PDS5B: variants seen among roughly 807,000 people sequenced by gnomAD.
The protein encoded by PDS5B is PDS5 cohesin associated factor B.
PDS5B carries 51 observed loss-of-function variants against 184.1 expected under a neutral mutation model. That is an observed-to-expected ratio of 0.28 (90% CI 0.22 to 0.35). The LOEUF is 0.35. Ranked by LOEUF, PDS5B falls within the 10% of genes least tolerant of loss-of-function variation. The probability of loss-of-function intolerance (pLI) is 1.00; values close to 1 mark genes in which losing one functional copy is unlikely to be tolerated. For missense variants in PDS5B, 1,180 were observed against 1,723.3 expected (o/e 0.68, Z 5.58); for synonymous variants, 566 against 569.2 (o/e 0.99, Z 0.08).
intron 10 of PDS5B, among the ~76,000 whole-genome samples, chr13:32,680,358 G>T (rs1045956233): frequency 6.6e-6 from 1 of 152,098 alleles, no homozygotes; most frequent in African/African-American, 2.4e-5. Context: ...TTCACTTTTG[G>T]GTGATCAGAG....
At chr13:32,611,782 T>G (rs1280838756) in intron 1 of PDS5B, among the ~76,000 whole-genome samples, 1 of 152,066 alleles carries the variant, frequency 6.6e-6, no homozygotes, top group Non-Finnish European at 1.5e-5. Flanking sequence ...GTGCTGGGAT[T>G]ACAAGCATGA....
chr13:32,635,283 C>G (rs1195484984), intron 1 of PDS5B, among the ~76,000 whole-genome samples: 1 of 134,994 alleles, frequency 7.4e-6, no homozygotes, highest in African/African-American at 2.7e-5. Context: ...AGTGACCCTC[C>G]TGCCTTGGCC....
intron 17 of PDS5B, among the ~76,000 whole-genome samples, chr13:32,702,221 G>A (rs1951882213): frequency 1.3e-5 from 2 of 152,062 alleles, no homozygotes; most frequent in African/African-American, 2.4e-5. Flanking sequence ...GGCATTGGGC[G>A]TAGCTTTTGG....
chr13:32,753,706 G>A lies in PDS5B; in HGVS notation c.2941+170G>A, dbSNP rs938907903. Among the ~76,000 whole-genome samples, 6 of 152,220 alleles carry A rather than the reference G, an allele frequency of 3.9e-5. No homozygotes were observed. The South Asian group carries it at 8.3e-4, about 21-fold the overall frequency. ...TTAATATGAAGGTCATTTAAAAAATGCATGGTACTTAAATATCAACCTATA... is the reference window on the plus strand; with the variant it reads ...TTAATATGAAGGTCATTTAAAAAATACATGGTACTTAAATATCAACCTATA... On this transcript the variant is annotated intron_variant, in intron 25 of 34. Transcript: ENST00000315596.
intron 26 of PDS5B, among the ~76,000 whole-genome samples, chr13:32,757,204 CCA>C (rs761074616): frequency 1.3e-5 from 2 of 151,912 alleles, no homozygotes; most frequent in East Asian, 1.9e-4. Flanking sequence ...AAACTTCTAG[CCA>C]CTTCTTTCTG....
intron 7 of PDS5B, among the ~76,000 whole-genome samples, chr13:32,672,281 G>A (rs1188668099): frequency 6.9e-6 from 1 of 145,360 alleles, no homozygotes; most frequent in Non-Finnish European, 1.5e-5. Context: ...TCTTCCATAT[G>A]TACTAAGGTG....
chr13:32,592,781 C>T (rs773799491), intron 1 of PDS5B, among the ~76,000 whole-genome samples: 1 of 152,046 alleles, frequency 6.6e-6, no homozygotes, highest in African/African-American at 2.4e-5. Flanking sequence ...AAGTGGGGTC[C>T]CTTTCTAAGG....
At chr13:32,773,149 A>T in intron 33 of PDS5B, 40 bp from the exon 34 acceptor site, 1 of 1,542,812 alleles carries the variant, frequency 6.5e-7, no homozygotes, top group Non-Finnish European at 8.7e-7. Context: ...CTACTGAAAG[A>T]TTGGAACGTT....
intron 27 of PDS5B, 148 bp from the exon 28 acceptor site, chr13:32,758,386 C>CA (rs1325101140): frequency 1.1e-6 from 1 of 926,022 alleles, no homozygotes; most frequent in African/African-American, 1.7e-5. Flanking sequence ...ATGAGCAAAA[C>CA]CAGTAGTGTA....
chr13:32,770,830 A>ATGTT, intron 33 of PDS5B, 69 bp downstream of exon 33: 1 of 1,119,044 alleles, frequency 8.9e-7, no homozygotes, highest in Non-Finnish European at 1.3e-6. Flanking sequence ...ATTTGTAAAC[A>ATGTT]TACATATTGC....
At chr13:32,647,699 AT>A (rs752847772) in intron 1 of PDS5B, among the ~76,000 whole-genome samples, 3 of 151,640 alleles carry the variant, frequency 2.0e-5, no homozygotes, top group East Asian at 1.9e-4. Context: ...AGTCTTTATA[AT>A]TTTTTTTGTT....
chr13:32,598,509 A>C (rs1321825259), intron 1 of PDS5B, among the ~76,000 whole-genome samples: 1 of 151,924 alleles, frequency 6.6e-6, no homozygotes, highest in African/African-American at 2.4e-5. Context: ...GTCTCACTGT[A>C]TTGCTCAGGC....
intron 1 of PDS5B, among the ~76,000 whole-genome samples, chr13:32,631,373 G>A (rs1181674795): frequency 1.3e-5 from 2 of 152,116 alleles, no homozygotes; most frequent in Non-Finnish European, 2.9e-5. Context: ...GATTACAGGC[G>A]TGAGCCGTGG....
intron 2 of PDS5B, chr13:32,650,096 A>G (rs1357878908): frequency 1.3e-5 from 2 of 152,088 alleles, no homozygotes; most frequent in East Asian, 3.8e-4. Flanking sequence ...TAGAGATGTT[A>G]TTTTCTCAGA....
chr13:32,684,411 C>G (rs528136362), intron 11 of PDS5B, among the ~76,000 whole-genome samples: 36 of 152,138 alleles, frequency 2.4e-4, no homozygotes, highest in Non-Finnish European at 4.1e-4. Flanking sequence ...AGTTGTCTAG[C>G]TGGTTGTATT....
chr13:32,720,257 A>T (rs151329608), intron 19 of PDS5B, among the ~76,000 whole-genome samples: 1 of 152,314 alleles, frequency 6.6e-6, no homozygotes, highest in African/African-American at 2.4e-5. Context: ...AAATATAAGC[A>T]ATTATGTGAT....
chr13:32,681,516 C>T (rs1280746224), intron 10 of PDS5B, among the ~76,000 whole-genome samples: 4 of 151,884 alleles, frequency 2.6e-5, no homozygotes, highest in East Asian at 1.9e-4. Flanking sequence ...CGCAGCTACC[C>T]GGGAGGCTGA....
intron 24 of PDS5B, among the ~76,000 whole-genome samples, chr13:32,749,162 C>T (rs1953875849): frequency 6.6e-6 from 1 of 152,186 alleles, no homozygotes; most frequent in Non-Finnish European, 1.5e-5. Context: ...TTTACTTAAC[C>T]TCATTTCATG....
At chr13:32,759,738 A>T (rs7988089) in intron 29 of PDS5B, 48 bp downstream of exon 29, 1 of 958,228 alleles carries the variant, frequency 1.0e-6, no homozygotes, top group Non-Finnish European at 1.6e-6. Flanking sequence ...CTTATTTTAG[A>T]GTGATTATTG....
Sources: allele counts gnomAD v4.1 joint callset (sites outside exome capture counted in the v4.1 genomes callset), GRCh38; gene constraint gnomAD v4.1.1; transcripts MANE v1.5; gene names NCBI Gene and HGNC (gene_info 2026-07-23, HGNC 2026-07-21).